Variants in FOXJ1 observed in about 807,000 individuals in gnomAD.
FOXJ1 encodes forkhead box J1, also known as forkhead box protein J1.
In FOXJ1, 8 loss-of-function variants were observed where a neutral mutation model predicts 29.3. The observed-to-expected ratio is 0.27, with a 90% CI of 0.16 to 0.49. The LOEUF is 0.49. Among genes scored for constraint, FOXJ1 ranks in the 20% least tolerant of loss-of-function variants. FOXJ1 has a pLI of 0.98. For synonymous variants in FOXJ1, 280 were observed against 278.7 expected, an observed-to-expected ratio of 1.00 and a Z score of -0.05; for missense variants, 539 against 595.5, an observed-to-expected ratio of 0.91 and a Z score of 0.99.
Position 76,139,646 on chromosome 17 carries a change from T to TC in FOXJ1, c.498+251dup, listed in dbSNP as rs1568013166. On this transcript the variant is annotated intron_variant, in intron 2 of 2. Coordinates refer to ENST00000322957, the MANE Select transcript of FOXJ1 (RefSeq NM_001454.4). This position sits in a 1 kb window ranked among gnomAD's most constrained non-coding sequence, Gnocchi z 6.6. ...CCTGCTGGATGAATGGCAGGTTATT[T>TC]CCCCTTGAATCTCAGCCTCTGCACC... 6.6e-6 allele frequency among the ~76,000 whole-genome samples: 1 copy of TC among 152,138 alleles called. No individual in the cohort carries two copies. The highest frequency in any genetic ancestry group is 1.5e-5 in the Non-Finnish European group (1 of 68,022).
rs2068489200 is a variant in FOXJ1, at chr17:76,137,823, C to T, written c.796G>A (p.Gly266Ser). ...EATGEAGWGA[G>S]EGRLGHKRKQ... ...CGCTTATGCCCCAGCCTGCCCTCGC[C>T]TGCACCCCAGCCCGCCTCCCCGGTG... Residue 266 changes from glycine to serine, a missense_variant, in exon 3 of 3, where the codon GGC becomes AGC. This residue lies in a region of FOXJ1 where 302 missense variants were observed against 293.6 expected (regional missense o/e 1.03). Coordinates refer to ENST00000322957, the MANE Select transcript of FOXJ1 (RefSeq NM_001454.4). This position sits in a 1 kb window ranked among gnomAD's most constrained non-coding sequence, Gnocchi z 9.5. 3.1e-6 allele frequency: 5 copies of T among 1,597,194 alleles called. No homozygotes were observed. The highest frequency in any genetic ancestry group is 4.3e-6 in the Non-Finnish European group (5 of 1,172,518).
Position 76,140,174 on chromosome 17 carries a change from G to T in FOXJ1, c.222C>A (p.Pro74=), listed in dbSNP as rs577135004. 7.9e-4 allele frequency: 1,147 copies of T among 1,459,044 alleles called. 2 individuals are homozygous for T. Among genetic ancestry groups the T allele is most frequent in the Non-Finnish European group, 9.6e-4 (1,077 of 1,118,022 alleles). The allele number at this position is 1,459,044 out of a possible 1,614,324, so 90.4% of individuals were successfully genotyped here. ...QVPGSAAPGS[P]LAADPACLGQ... is the part of the protein sequence containing the mutation. ...CCAGGCAGGCGGGGTCGGCCGCCAG[G>T]GGGGACCCGGGCGCCGCTGAACCTG... is the stretch of plus-strand genomic sequence containing the variant. Residue 74 remains proline (P), a synonymous_variant, in exon 2 of 3, where the codon CCC becomes CCA. Coordinates refer to ENST00000322957, the MANE Select transcript of FOXJ1 (RefSeq NM_001454.4). The surrounding 1 kb of genome is among the most constrained non-coding windows in gnomAD (Gnocchi z 8.0).
intron 2 of FOXJ1, among the ~76,000 whole-genome samples, chr17:76,138,331 T>C (rs968219739): frequency 6.6e-6 from 1 of 152,172 alleles, no homozygotes; most frequent in African/African-American, 2.4e-5. Flanking sequence ...CGGAGGCTTT[T>C]GTTCCCTGTT....
rs2068480412 is a variant in FOXJ1 at position 76,136,485 on chromosome 17, T to A, written c.*868A>T. 6.6e-6 allele frequency: 1 copy of A among 151,144 alleles called. No individual in the cohort carries two copies. The highest frequency in any genetic ancestry group is 2.1e-4 in the South Asian group (1 of 4,786). The allele number at this position is 151,144 out of a possible 1,614,324, so 9.4% of individuals were successfully genotyped here. ...AGGCACGCCCCACGCCCCCGAGGAG[T>A]GCAGGCAGGGGCGTGGGGTACCCCG... On this transcript the variant is annotated 3_prime_UTR_variant, in exon 3 of 3. Coordinates refer to ENST00000322957, the MANE Select transcript of FOXJ1 (RefSeq NM_001454.4). The surrounding 1 kb of genome is among the most constrained non-coding windows in gnomAD (Gnocchi z 4.9).
Position 76,140,584 on chromosome 17 carries a change from A to G in FOXJ1, c.-169-20T>C. ...TGGTGCCTGCGAGGACCACGGTGGG[A>G]GCTGAGCACTACCCCACCCCCGAGG... On this transcript the variant is annotated intron_variant, in intron 1 of 2. Coordinates refer to ENST00000322957, the MANE Select transcript of FOXJ1 (RefSeq NM_001454.4). This position sits in a 1 kb window ranked among gnomAD's most constrained non-coding sequence, Gnocchi z 8.0. The G allele has an allele frequency of 1.9e-6, 1 of 531,350 alleles. No individual in the cohort carries two copies. The highest frequency in any genetic ancestry group is 4.1e-5 in the Admixed American group (1 of 24,220). 32.9% of individuals were successfully genotyped at this position (531,350 alleles called of 1,614,324 possible). A position where few individuals can be genotyped will look rare whatever the true frequency, so the allele number is the denominator to read the frequency against.
Position 76,137,463 on chromosome 17 carries a change from AG to A in FOXJ1, c.1155del (p.Trp386GlyfsTer67). 1 of 1,565,172 alleles carries A rather than the reference AG, an allele frequency of 6.4e-7. No homozygotes were observed. The highest frequency in any genetic ancestry group is 8.6e-7 in the Non-Finnish European group (1 of 1,157,520). ...TFLATSFLQH[P>X]WDESGSGCLP... ...AGGCAGCCACTGCCGCTCTCGTCCC[AG>A]GGGTGCTGCAGGAAGGATGTGGCCA... is the stretch of plus-strand genomic sequence containing the variant. On this transcript the variant is annotated frameshift_variant, in exon 3 of 3. Coordinates refer to ENST00000322957, the MANE Select transcript of FOXJ1 (RefSeq NM_001454.4). LOFTEE classifies it high-confidence loss of function. The surrounding 1 kb of genome is among the most constrained non-coding windows in gnomAD (Gnocchi z 9.5).
Position 76,141,238 on chromosome 17 carries a change from G to C in FOXJ1, c.-294C>G, listed in dbSNP as rs942609092. The C allele has an allele frequency of 2.0e-5, 3 of 152,288 alleles. No homozygotes were observed. The highest frequency in any genetic ancestry group is 6.5e-5 in the Admixed American group (1 of 15,286). The allele number at this position is 152,288 out of a possible 1,614,324, so 9.4% of individuals were successfully genotyped here. ...TCTTGCCGCCCCCCCGCCCGACGGC[G>C]CTTCTCTGAGCTACCGCGGCCCCGG... is the stretch of plus-strand genomic sequence containing the variant. On this transcript the variant is annotated 5_prime_UTR_variant, in exon 1 of 3. Transcript: ENST00000322957. The surrounding 1 kb of genome is among the most constrained non-coding windows in gnomAD (Gnocchi z 4.2).
At position 76,139,992 on chromosome 17, in the gene FOXJ1, T is replaced by C; in HGVS notation, c.404A>G (p.Gln135Arg). 1 of 1,613,484 alleles carries C rather than the reference T, an allele frequency of 6.2e-7. No homozygotes were observed. The highest frequency in any genetic ancestry group is 8.5e-7 in the Non-Finnish European group (1 of 1,179,772). ...GGTGATCTTGGTGGCCTTGCTGGCC[T>C]GCATGGCCATGCAGATGAGCGTGGC... The part of the protein sequence containing the change: ...SYATLICMAM[Q>R]ASKATKITLS... The change falls in exon 2 of 3, where the codon CAG becomes CGG. Residue 135 changes from glutamine to arginine, a missense_variant. This residue lies in a region of FOXJ1 where 178 missense variants were observed against 254.4 expected (regional missense o/e 0.70). Transcript: ENST00000322957. The surrounding 1 kb of genome is among the most constrained non-coding windows in gnomAD (Gnocchi z 6.6).
rs553063979 is a variant in FOXJ1, at chr17:76,140,055, T to C, written c.341A>G (p.Tyr114Cys). The C allele has an allele frequency of 1.2e-6, 2 of 1,609,802 alleles. No individual in the cohort carries two copies. Among genetic ancestry groups the C allele is most frequent in the South Asian group, 1.1e-5 (1 of 91,076 alleles). Residue 114 changes from tyrosine to cysteine, a missense_variant, in exon 2 of 3, where the codon TAC (tyrosine) becomes TGC (cysteine). Physicochemically the swap from Tyr to Cys is radical, Grantham distance 194 (BLOSUM62 -2). Around this residue, in one of 3 missense-constraint regions of FOXJ1, gnomAD observed 178 missense variants for 254.4 expected, o/e 0.70. Coordinates refer to ENST00000322957, the MANE Select transcript of FOXJ1 (RefSeq NM_001454.4). The surrounding 1 kb of genome is among the most constrained non-coding windows in gnomAD (Gnocchi z 8.0). ...AGGCTTCACGTGCGGATTGGTGGCG[T>C]AGTCCACGTCGTCGGGGGGTGGGGC... ...LQAPPPDDVD[Y>C]ATNPHVKPPY...
intron 2 of FOXJ1, 56 bp from the exon 3 acceptor site, chr17:76,138,176 G>A: frequency 6.3e-7 from 1 of 1,575,072 alleles, no homozygotes; most frequent in Non-Finnish European, 8.7e-7. Context: ...TGGGGACGGG[G>A]AGATGAAATG....
rs1277073995 is a variant in FOXJ1 at position 76,140,472 on chromosome 17, G to T, written c.-77C>A. Reference sequence around the variant, plus strand: ...GGTGGCCCGCCGCGCTCTCTGGCCCGCTGAGTCCCGCAGCTCCCGTTACAC... The same window carrying T: ...GGTGGCCCGCCGCGCTCTCTGGCCCTCTGAGTCCCGCAGCTCCCGTTACAC... On this transcript the variant is annotated 5_prime_UTR_variant, in exon 2 of 3. Coordinates refer to ENST00000322957, the MANE Select transcript of FOXJ1 (RefSeq NM_001454.4). This position sits in a 1 kb window ranked among gnomAD's most constrained non-coding sequence, Gnocchi z 8.0. 1.6e-6 allele frequency: 2 copies of T among 1,264,914 alleles called. No individual in the cohort carries two copies. The highest frequency in any genetic ancestry group is 2.0e-6 in the Non-Finnish European group (2 of 977,120). 78.4% of individuals were successfully genotyped at this position (1,264,914 alleles called of 1,614,324 possible). A position where few individuals can be genotyped will look rare whatever the true frequency, so the allele number is the denominator to read the frequency against.
chr17:76,138,852 T>C (rs1026995466), intron 2 of FOXJ1, among the ~76,000 whole-genome samples: 1 of 152,104 alleles, frequency 6.6e-6, no homozygotes, highest in Non-Finnish European at 1.5e-5. Flanking sequence ...GTCAGGGGCA[T>C]TGGAAATGGC....
chr17:76,138,138 G>A lies in FOXJ1; in HGVS notation c.499-18C>T, dbSNP rs1322876149. On this transcript the variant is annotated intron_variant, in intron 2 of 2. Transcript: ENST00000322957. Reference sequence around the variant, plus strand: ...ATTGAATTCTGGGTGCAGGGAGAGAGCAAGAGAGAGAGGAACCGCTAGGTC... The same window carrying A: ...ATTGAATTCTGGGTGCAGGGAGAGAACAAGAGAGAGAGGAACCGCTAGGTC... 9 of 1,612,888 alleles carry A rather than the reference G, an allele frequency of 5.6e-6. No homozygotes were observed. Among genetic ancestry groups the A allele is most frequent in the Non-Finnish European group, 7.6e-6 (9 of 1,179,688 alleles).
rs908830678 is a variant in FOXJ1 at position 76,140,703 on chromosome 17, C to T, written c.-169-139G>A. ...GAGGTATGGGAAACAGAAGCAAGGC[C>T]CTGGGGTCCCACCCCCATCAGATCT... is the stretch of plus-strand genomic sequence containing the variant. On this transcript the variant is annotated intron_variant, in intron 1 of 2. Transcript: ENST00000322957. This position sits in a 1 kb window ranked among gnomAD's most constrained non-coding sequence, Gnocchi z 8.0. 2 of 354,094 alleles carry T rather than the reference C, an allele frequency of 5.6e-6. No individual in the cohort carries two copies. The highest frequency in any genetic ancestry group is 1.0e-5 in the Non-Finnish European group (2 of 197,362). 21.9% of individuals were successfully genotyped at this position (354,094 alleles called of 1,614,324 possible). A position where few individuals can be genotyped will look rare whatever the true frequency, so the allele number is the denominator to read the frequency against.
Position 76,139,979 on chromosome 17 carries a change from G to A in FOXJ1, c.417C>T (p.Ala139=). 4 of 1,613,818 alleles carry A rather than the reference G, an allele frequency of 2.5e-6. No homozygotes were observed. The highest frequency in any genetic ancestry group is 3.4e-6 in the Non-Finnish European group (4 of 1,179,950). ...LICMAMQASK[A]TKITLSAIYK... Reference sequence around the variant, plus strand: ...AGATGGCCGACAGGGTGATCTTGGTGGCCTTGCTGGCCTGCATGGCCATGC... The same window carrying A: ...AGATGGCCGACAGGGTGATCTTGGTAGCCTTGCTGGCCTGCATGGCCATGC... Residue 139 remains alanine, a synonymous_variant, in exon 2 of 3, where the codon GCC becomes GCT. Coordinates refer to ENST00000322957, the MANE Select transcript of FOXJ1 (RefSeq NM_001454.4). This position sits in a 1 kb window ranked among gnomAD's most constrained non-coding sequence, Gnocchi z 6.6.
At chr17:76,138,253 A>T (rs1439356929) in intron 2 of FOXJ1, 133 bp from the exon 3 acceptor site, 7 of 963,436 alleles carry the variant, frequency 7.3e-6, no homozygotes, top group Non-Finnish European at 1.1e-5. Flanking sequence ...GGACAGACAC[A>T]CTGGTCTGCC....
chr17:76,137,699 C>T lies in FOXJ1; in HGVS notation c.920G>A (p.Gly307Asp). 1 of 1,612,522 alleles carries T rather than the reference C, an allele frequency of 6.2e-7. No homozygotes were observed. The highest frequency in any genetic ancestry group is 8.5e-7 in the Non-Finnish European group (1 of 1,179,672). Residue 307 changes from glycine to aspartate, a missense_variant, in exon 3 of 3, where the codon GGC becomes GAC. Physicochemically the swap from Gly to Asp is moderately conservative, Grantham distance 94. This residue lies in a region of FOXJ1 where 302 missense variants were observed against 293.6 expected (regional missense o/e 1.03). Coordinates refer to ENST00000322957, the MANE Select transcript of FOXJ1 (RefSeq NM_001454.4). The surrounding 1 kb of genome is among the most constrained non-coding windows in gnomAD (Gnocchi z 9.5). ...EEQGELEPLK[G>D]NFDWEAIFDA... The stretch of plus-strand genomic sequence containing the variant: ...GAAGATGGCCTCCCAGTCAAAGTTG[C>T]CTTTGAGGGGTTCCAGCTCACCCTG...
intron 2 of FOXJ1, 53 bp from the exon 3 acceptor site, chr17:76,138,173 G>A (rs1009015813): frequency 2.1e-5 from 33 of 1,585,660 alleles, no homozygotes; most frequent in Admixed American, 5.2e-5. Context: ...CAGTGGGGAC[G>A]GGGAGATGAA....
chr17:76,140,103 C>T lies in FOXJ1; in HGVS notation c.293G>A (p.Arg98Gln), dbSNP rs761171147. ...GGCCTGCAGCCCCGGGGGCGCGCTC[C>T]GCGACGTGCACGACGACGTGGGCTT... ...PGKPTSSCTS[R>Q]SAPPGLQAPP... is the part of the protein sequence containing the mutation. Residue 98 changes from arginine (R) to glutamine (Q), a missense_variant, in exon 2 of 3, where the codon CGG becomes CAG. Physicochemically the swap from Arg to Gln is conservative, Grantham distance 43 (BLOSUM62 1). Transcript: ENST00000322957. The surrounding 1 kb of genome is among the most constrained non-coding windows in gnomAD (Gnocchi z 8.0). 8.8e-6 allele frequency: 14 copies of T among 1,595,228 alleles called. No homozygotes were observed. Among genetic ancestry groups the T allele is most frequent in the Non-Finnish European group, 1.2e-5 (14 of 1,176,488 alleles).
Sources: allele counts gnomAD v4.1 joint callset (sites outside exome capture counted in the v4.1 genomes callset), GRCh38; gene constraint gnomAD v4.1.1; regional missense constraint gnomAD v4.1.1; non-coding constraint Gnocchi (gnomAD v3.1); transcripts MANE v1.5; gene names NCBI Gene and HGNC (gene_info 2026-07-23, HGNC 2026-07-21).